Variants in PCP4 observed in about 807,000 individuals in gnomAD.
PCP4 encodes Purkinje cell protein 4, also known as calmodulin regulator protein PCP4.
PCP4 carries 8 observed loss-of-function variants against 10.0 expected under a neutral mutation model. The observed-to-expected ratio is 0.80, with a 90% CI of 0.47 to 1.45. PCP4 has a LOEUF of 1.45. PCP4 is among the 40% of genes most tolerant of loss of function. The pLI is 0.00. For synonymous variants in PCP4, 21 were observed against 23.0 expected, an observed-to-expected ratio of 0.91 and a Z score of 0.24; for missense variants, 54 against 74.4, an observed-to-expected ratio of 0.73 and a Z score of 1.01.
chr21:39,890,113 C>T (rs548139710), intron 1 of PCP4, among the ~76,000 whole-genome samples: 1 of 152,296 alleles, frequency 6.6e-6, no homozygotes, highest in South Asian at 2.1e-4. Context: ...GTGTAATAAA[C>T]ACTCTCAAAA....
At position 39,894,919 on chromosome 21, in the gene PCP4, G is replaced by A. The variant is rs114662685; in HGVS notation, c.10-3557G>A. Reference sequence around the variant, plus strand: ...TCCCGAAGATGCTAACTTCTGTCACGTCATGAAAAAGAATCTTTTCGTTGG... The same window carrying A: ...TCCCGAAGATGCTAACTTCTGTCACATCATGAAAAAGAATCTTTTCGTTGG... On this transcript the variant is annotated intron_variant, in intron 1 of 2. Coordinates refer to ENST00000328619, the MANE Select transcript of PCP4 (RefSeq NM_006198.3). Among the ~76,000 whole-genome samples the A allele has an allele frequency of 9.2e-3, 1,407 of 152,244 alleles. 24 individuals carry two copies. The highest frequency in any genetic ancestry group is 0.032 in the African/African-American group (1,332 of 41,528).
intron 2 of PCP4, among the ~76,000 whole-genome samples, chr21:39,922,305 T>A (rs141257409): frequency 6.6e-6 from 1 of 152,348 alleles, no homozygotes; most frequent in East Asian, 1.9e-4. Flanking sequence ...TATTTAATGC[T>A]CAATAAAGAG....
intron 1 of PCP4, among the ~76,000 whole-genome samples, chr21:39,893,494 G>A (rs1002833526): frequency 1.3e-5 from 2 of 152,208 alleles, no homozygotes; most frequent in African/African-American, 2.4e-5. Flanking sequence ...GCTTTCTGAA[G>A]CTGTGTGAAT....
At chr21:39,888,482 T>C (rs2087412224) in intron 1 of PCP4, among the ~76,000 whole-genome samples, 2 of 152,210 alleles carry the variant, frequency 1.3e-5, no homozygotes, top group South Asian at 4.1e-4. Context: ...GTAGGAGGCA[T>C]GGATTATCAT....
chr21:39,882,028 T>C (rs562472852), intron 1 of PCP4, among the ~76,000 whole-genome samples: 10 of 152,330 alleles, frequency 6.6e-5, no homozygotes, highest in Admixed American at 4.6e-4. Flanking sequence ...TAGGCTTGTT[T>C]CCATGAGAGT....
intron 2 of PCP4, 68 bp from the exon 3 acceptor site, chr21:39,928,916 A>G: frequency 3.9e-6 from 6 of 1,529,620 alleles, no homozygotes; most frequent in Non-Finnish European, 5.4e-6. Context: ...TCACTTATCT[A>G]GTGGGGCTGT....
intron 1 of PCP4, among the ~76,000 whole-genome samples, chr21:39,890,424 C>G (rs532599897): frequency 6.6e-6 from 1 of 152,284 alleles, no homozygotes; most frequent in South Asian, 2.1e-4. Flanking sequence ...GGCATGATCT[C>G]GGTTCAGTGC....
intron 1 of PCP4, among the ~76,000 whole-genome samples, chr21:39,882,908 C>T (rs1348977553): frequency 1.3e-5 from 2 of 152,228 alleles, no homozygotes; most frequent in African/African-American, 4.8e-5. Flanking sequence ...TGTACTGCTT[C>T]AATCTGGCAA....
At chr21:39,867,589 T>A in intron 1 of PCP4, 79 bp downstream of exon 1, 1 of 1,359,960 alleles carries the variant, frequency 7.4e-7, no homozygotes, top group Non-Finnish European at 1.1e-6. Context: ...TCAGGAAATG[T>A]GAGGGACTTA....
Position 39,912,147 on chromosome 21 carries a change from G to T in PCP4, c.61+13620G>T, listed in dbSNP as rs918201044. On this transcript the variant is annotated intron_variant, in intron 2 of 2. Coordinates refer to ENST00000328619, the MANE Select transcript of PCP4 (RefSeq NM_006198.3). ...TATCTAAATTTGTTTCTTGACATCAGTTTCTTGACATCAGCCTCTGTTAAT... is the reference window on the plus strand; with the variant it reads ...TATCTAAATTTGTTTCTTGACATCATTTTCTTGACATCAGCCTCTGTTAAT... Among the ~76,000 whole-genome samples, 7 of 152,048 alleles carry T rather than the reference G, an allele frequency of 4.6e-5. No individual in the cohort carries two copies. The East Asian group carries it at 1.3e-3, about 29-fold the overall frequency.
intron 2 of PCP4, among the ~76,000 whole-genome samples, chr21:39,903,528 T>G (rs1319884845): frequency 1.3e-5 from 2 of 152,176 alleles, no homozygotes; most frequent in East Asian, 1.9e-4. Flanking sequence ...GACTATGGCC[T>G]GAGAAGTTTC....
At chr21:39,871,941 A>G (rs2087322284) in intron 1 of PCP4, among the ~76,000 whole-genome samples, 1 of 152,198 alleles carries the variant, frequency 6.6e-6, no homozygotes, top group South Asian at 2.1e-4. Flanking sequence ...TGAAAAGAAA[A>G]CATGTTTTTG....
chr21:39,879,537 G>A (rs2299748), intron 1 of PCP4, among the ~76,000 whole-genome samples: 20,626 of 152,060 alleles, frequency 0.14, 1,748 homozygotes, highest in Middle Eastern at 0.22. Flanking sequence ...TGAGGATTTC[G>A]AATTTCACAT....
At chr21:39,871,152 A>G (rs1321318234) in intron 1 of PCP4, among the ~76,000 whole-genome samples, 1 of 152,198 alleles carries the variant, frequency 6.6e-6, no homozygotes, top group African/African-American at 2.4e-5. Flanking sequence ...TTAACTCGTG[A>G]GGTGAGGACA....
rs575112848 is a variant in PCP4 at position 39,912,527 on chromosome 21, G to T, written c.61+14000G>T. 1.1e-3 allele frequency among the ~76,000 whole-genome samples: 172 copies of T among 152,022 alleles called. 2 individuals are homozygous for T. The highest frequency in any genetic ancestry group is 3.8e-3 in the African/African-American group (156 of 41,466). ...TCCTGCCAAGGTGCCACATAAAACA[G>T]GCCCTGGTTAAATGGTCACATTTAA... On this transcript the variant is annotated intron_variant, in intron 2 of 2. Transcript: ENST00000328619.
intron 2 of PCP4, among the ~76,000 whole-genome samples, chr21:39,901,279 G>C (rs900386317): frequency 2.6e-5 from 4 of 152,082 alleles, no homozygotes; most frequent in Admixed American, 6.6e-5. Flanking sequence ...GATCTTTTGG[G>C]CTCCCTTAAA....
intron 1 of PCP4, among the ~76,000 whole-genome samples, chr21:39,891,536 A>G (rs2087431355): frequency 2.0e-5 from 3 of 152,234 alleles, no homozygotes; most frequent in Admixed American, 2.0e-4. Flanking sequence ...TGTGGAGACA[A>G]GAGATTGTAA....
At position 39,906,553 on chromosome 21, in the gene PCP4, G is replaced by A. The variant is rs188152692; in HGVS notation, c.61+8026G>A. 6.5e-4 allele frequency among the ~76,000 whole-genome samples: 97 copies of A among 149,662 alleles called. No individual in the cohort carries two copies. Among genetic ancestry groups the A allele is most frequent in the Non-Finnish European group, 1.2e-3 (80 of 67,438 alleles). ...TCTTTCTCCCTCCTTCCTTCCTTCC[G>A]CTCCTCCTTCTTCCCCTTCCTTCCC... On this transcript the variant is annotated intron_variant, in intron 2 of 2. Transcript: ENST00000328619. This position sits in a 1 kb window ranked among gnomAD's most constrained non-coding sequence, Gnocchi z 6.3.
intron 1 of PCP4, among the ~76,000 whole-genome samples, chr21:39,890,907 A>G (rs1601176551): frequency 6.6e-6 from 1 of 152,074 alleles, no homozygotes; most frequent in African/African-American, 2.4e-5. Context: ...TTTTGTTTTC[A>G]AAGGAATTTG....
Sources: gnomAD v4.1 joint callset for allele counts (sites outside exome capture counted in the v4.1 genomes callset) on GRCh38, gnomAD v4.1.1 for gene constraint, Gnocchi (gnomAD v3.1) non-coding constraint, MANE v1.5 for transcripts, NCBI Gene and HGNC (gene_info 2026-07-23, HGNC 2026-07-21) for gene names.